FHIT: variants seen among roughly 807,000 people sequenced by gnomAD.
FHIT encodes bis(5'-adenosyl)-triphosphatase.
Under a neutral mutation model 17.9 loss-of-function variants are expected in FHIT, and 19 were observed. The observed-to-expected ratio is 1.06, with a 90% CI of 0.74 to 1.56. The LOEUF is 1.56. Among genes scored for constraint, FHIT ranks in the 40% most tolerant of loss-of-function variants. The probability of loss-of-function intolerance (pLI) is 0.00; values close to 1 mark genes in which losing one functional copy is unlikely to be tolerated. For synonymous variants in FHIT, 81 were observed against 69.7 expected (o/e 1.16, Z -0.81); for missense variants, 248 against 189.2 (o/e 1.31, Z -1.82).
chr3:60,860,041 T>G (rs1422693308), intron 3 of FHIT, among the ~76,000 whole-genome samples: 2 of 148,456 alleles, frequency 1.3e-5, no homozygotes, highest in Non-Finnish European at 3.0e-5. Flanking sequence ...GGACTACATC[T>G]CAAAAAAACA....
At chr3:60,079,781 T>A (rs992450335) in intron 5 of FHIT, among the ~76,000 whole-genome samples, 7 of 152,180 alleles carry the variant, frequency 4.6e-5, no homozygotes, top group African/African-American at 1.7e-4. Flanking sequence ...TAAACTTCAG[T>A]GCTTGCCAAA....
chr3:60,247,107 T>C (rs1438553991), intron 5 of FHIT, among the ~76,000 whole-genome samples: 1 of 152,124 alleles, frequency 6.6e-6, no homozygotes, highest in Non-Finnish European at 1.5e-5. Context: ...GTAACAAATG[T>C]GACACTCTGA....
At chr3:61,082,175 A>C (rs73839214) in intron 2 of FHIT, among the ~76,000 whole-genome samples, 6,123 of 152,210 alleles carry the variant, frequency 0.04, 222 homozygotes, top group African/African-American at 0.092. Flanking sequence ...ACCCACTTAA[A>C]CACTACCCAA....
chr3:60,457,203 A>G (rs983570963), intron 5 of FHIT, among the ~76,000 whole-genome samples: 5 of 152,040 alleles, frequency 3.3e-5, no homozygotes, highest in African/African-American at 1.2e-4. Context: ...ACAGTAACCA[A>G]AACAGCATGG....
At chr3:60,569,778 T>A (rs2037309334) in intron 4 of FHIT, among the ~76,000 whole-genome samples, 2 of 127,370 alleles carry the variant, frequency 1.6e-5, no homozygotes, top group African/African-American at 2.8e-5. Context: ...TTAGACAGAG[T>A]TTTGCTATTG....
chr3:60,064,129 GA>G (rs1702402897), intron 5 of FHIT, among the ~76,000 whole-genome samples: 1 of 152,142 alleles, frequency 6.6e-6, no homozygotes, highest in African/African-American at 2.4e-5. Flanking sequence ...AGAAGGAAAG[GA>G]AAGTTTTCAT....
intron 3 of FHIT, among the ~76,000 whole-genome samples, chr3:61,033,216 A>G (rs540191605): frequency 6.6e-6 from 1 of 152,242 alleles, no homozygotes; most frequent in Admixed American, 6.5e-5. Flanking sequence ...ATTAACCATC[A>G]CTTGTGTCCT....
chr3:60,833,670 T>C (rs1189575877), intron 3 of FHIT, among the ~76,000 whole-genome samples: 1 of 152,202 alleles, frequency 6.6e-6, no homozygotes. Context: ...CCTTCAATGG[T>C]AACATCTTGG....
chr3:60,469,029 T>C (rs1048554826), intron 5 of FHIT, among the ~76,000 whole-genome samples: 2 of 152,166 alleles, frequency 1.3e-5, no homozygotes, highest in African/African-American at 4.8e-5. Context: ...CACTGAAACA[T>C]CTGCTGCCAT....
chr3:60,311,541 G>T lies in FHIT; in HGVS notation c.103+225319C>A, dbSNP rs148513769. 4.0e-3 allele frequency among the ~76,000 whole-genome samples: 605 copies of T among 152,262 alleles called. 4 individuals are homozygous for T. Among genetic ancestry groups the T allele is most frequent in the Non-Finnish European group, 5.7e-3 (391 of 68,012 alleles). On this transcript the variant is annotated intron_variant, in intron 5 of 9. Transcript: ENST00000492590. ...AATATTCTGAGTGTATATTAGGCAG[G>T]CAAAGAATCTAGCTCATTATATTTT...
In FHIT at chr3:60,311,269, G is replaced by A. The variant is rs1576457880; in HGVS notation, c.103+225591C>T. The stretch of plus-strand genomic sequence containing the variant: ...CCCCAACGTGTGTGTGTGTGTGTGT[G>A]TTTCATTTTGTTTAAATAGAACTAT... On this transcript the variant is annotated intron_variant, in intron 5 of 9. Transcript: ENST00000492590. Among the ~76,000 whole-genome samples the A allele has an allele frequency of 2.7e-5, 4 of 145,674 alleles. No individual in the cohort carries two copies. In the Admixed American group the frequency reaches 2.8e-4, roughly 10 times the overall value.
chr3:60,014,848 T>A (rs112387308), intron 5 of FHIT, among the ~76,000 whole-genome samples: 1 of 152,276 alleles, frequency 6.6e-6, no homozygotes, highest in South Asian at 2.1e-4. Flanking sequence ...GCATTCTTAA[T>A]GCATTCTACA....
At chr3:60,553,258 C>G (rs1470879849) in intron 4 of FHIT, 1 of 222,710 alleles carries the variant, frequency 4.5e-6, no homozygotes, top group African/African-American at 2.4e-5. Flanking sequence ...TTTTTTTAAT[C>G]AGTTAGCCTA....
At chr3:59,831,844 T>TA (rs1378638632) in intron 8 of FHIT, among the ~76,000 whole-genome samples, 3 of 152,188 alleles carry the variant, frequency 2.0e-5, no homozygotes, top group East Asian at 3.9e-4. Flanking sequence ...AGCAGGGTGA[T>TA]ATAGAGAGGG....
intron 5 of FHIT, among the ~76,000 whole-genome samples, chr3:60,182,071 G>A (rs1467999235): frequency 6.6e-6 from 1 of 152,178 alleles, no homozygotes; most frequent in Non-Finnish European, 1.5e-5. Context: ...AGGGTTTTCA[G>A]AACGATATGA....
At chr3:60,230,578 G>A (rs1021107600) in intron 5 of FHIT, among the ~76,000 whole-genome samples, 2 of 152,164 alleles carry the variant, frequency 1.3e-5, no homozygotes, top group African/African-American at 4.8e-5. Flanking sequence ...GTTTTGAAAT[G>A]GATTCAATTC....
intron 5 of FHIT, among the ~76,000 whole-genome samples, chr3:60,494,857 T>C (rs938335994): frequency 2.6e-5 from 4 of 152,160 alleles, no homozygotes; most frequent in African/African-American, 9.7e-5. Context: ...AGTACCACAT[T>C]TTTTAAATCC....
intron 7 of FHIT, among the ~76,000 whole-genome samples, chr3:59,927,735 C>T (rs1705744602): frequency 6.6e-6 from 1 of 152,104 alleles, no homozygotes; most frequent in African/African-American, 2.4e-5. Context: ...TGCCACTGCA[C>T]TCCAGCCTGG....
intron 4 of FHIT, among the ~76,000 whole-genome samples, chr3:60,540,819 G>T (rs1312243880): frequency 6.6e-6 from 1 of 152,160 alleles, no homozygotes; most frequent in Non-Finnish European, 1.5e-5. Context: ...AAAGAAATAA[G>T]ATAGGAAGGT....
Sources: gnomAD v4.1 joint callset for allele counts (sites outside exome capture counted in the v4.1 genomes callset) on GRCh38, gnomAD v4.1.1 for gene constraint, MANE v1.5 for transcripts, NCBI Gene and HGNC (gene_info 2026-07-23, HGNC 2026-07-21) for gene names.